KCNIP4: variants seen among roughly 807,000 people sequenced by gnomAD.
KCNIP4 encodes Kv channel-interacting protein 4.
KCNIP4 carries 12 observed loss-of-function variants against 34.0 expected under a neutral mutation model. The observed-to-expected ratio is 0.35, with a 90% CI of 0.23 to 0.57. The LOEUF is 0.57. Ranked by LOEUF, KCNIP4 falls within the 20% of genes least tolerant of loss-of-function variation. The pLI is 0.83. For missense variants in KCNIP4, 238 were observed against 311.7 expected (o/e 0.76, Z 1.78); for synonymous variants, 124 against 102.2 (o/e 1.21, Z -1.29).
At chr4:21,596,661 T>A (rs1214086681) in intron 1 of KCNIP4, among the ~76,000 whole-genome samples, 1 of 152,124 alleles carries the variant, frequency 6.6e-6, no homozygotes, top group African/African-American at 2.4e-5. Flanking sequence ...AAGAAGCTTT[T>A]GTTATTGATG....
At chr4:21,943,095 C>T (rs116377608) in intron 1 of KCNIP4, among the ~76,000 whole-genome samples, 3,283 of 152,226 alleles carry the variant, frequency 0.022, 130 homozygotes, top group African/African-American at 0.074. Flanking sequence ...TGTAGAAGTG[C>T]TTACTAGAGG....
chr4:21,467,087 C>CACAT (rs1411163090), intron 1 of KCNIP4, among the ~76,000 whole-genome samples: 1 of 139,772 alleles, frequency 7.2e-6, no homozygotes, highest in Non-Finnish European at 1.6e-5. Context: ...CACACACACA[C>CACAT]ACACACACAC....
At chr4:20,761,676 C>A (rs1046040779) in intron 3 of KCNIP4, among the ~76,000 whole-genome samples, 1 of 152,098 alleles carries the variant, frequency 6.6e-6, no homozygotes, top group African/African-American at 2.4e-5. Flanking sequence ...TCTGCATCAA[C>A]AAATTTGTTA....
chr4:21,792,813 C>A (rs540065079), intron 1 of KCNIP4, among the ~76,000 whole-genome samples: 1 of 152,320 alleles, frequency 6.6e-6, no homozygotes, highest in Non-Finnish European at 1.5e-5. Context: ...ACCAAACTAC[C>A]CACTGGATGT....
intron 1 of KCNIP4, among the ~76,000 whole-genome samples, chr4:21,651,404 G>C (rs1255576691): frequency 1.3e-5 from 2 of 152,070 alleles, no homozygotes; most frequent in Non-Finnish European, 2.9e-5. Context: ...TGAAGATTAG[G>C]GATAAAGAGG....
intron 3 of KCNIP4, among the ~76,000 whole-genome samples, chr4:20,779,141 G>C (rs2149389231): frequency 6.6e-6 from 1 of 152,220 alleles, no homozygotes; most frequent in Admixed American, 6.5e-5. Context: ...CCAAACAGGT[G>C]CCAGCTATAC....
chr4:21,263,832 T>G (rs1761624050), intron 1 of KCNIP4, among the ~76,000 whole-genome samples: 1 of 151,958 alleles, frequency 6.6e-6, no homozygotes, highest in Non-Finnish European at 1.5e-5. Context: ...ATTAAATTTT[T>G]TTTCTTTTTT....
chr4:21,711,268 T>C (rs1459459512), intron 1 of KCNIP4, among the ~76,000 whole-genome samples: 1 of 152,172 alleles, frequency 6.6e-6, no homozygotes, highest in East Asian at 1.9e-4. Flanking sequence ...GGTCAAGAGA[T>C]TGAGACCATC....
chr4:21,881,444 T>C (rs888846976), intron 1 of KCNIP4, among the ~76,000 whole-genome samples: 6 of 152,178 alleles, frequency 3.9e-5, no homozygotes, highest in African/African-American at 1.4e-4. Flanking sequence ...AATAAACTTA[T>C]GATGAGTATT....
intron 1 of KCNIP4, among the ~76,000 whole-genome samples, chr4:21,171,400 A>G (rs1754014876): frequency 6.6e-6 from 1 of 152,236 alleles, no homozygotes; most frequent in Admixed American, 6.5e-5. Context: ...TTAGAGACAG[A>G]ATACTAAAAC....
chr4:21,430,418 G>C (rs1211785991), intron 1 of KCNIP4, among the ~76,000 whole-genome samples: 4 of 151,642 alleles, frequency 2.6e-5, no homozygotes, highest in African/African-American at 9.7e-5. Context: ...AACAGTATGG[G>C]GGGGTGGGGT....
intron 1 of KCNIP4, among the ~76,000 whole-genome samples, chr4:21,826,352 C>T (rs360700): frequency 0.48 from 73,175 of 151,898 alleles, 18,185 homozygotes; most frequent in African/African-American, 0.54. Flanking sequence ...ATGAGTAAGA[C>T]TCTGGAAATA....
At chr4:21,592,977 GA>G (rs1742333324) in intron 1 of KCNIP4, among the ~76,000 whole-genome samples, 1 of 152,098 alleles carries the variant, frequency 6.6e-6, no homozygotes, top group Non-Finnish European at 1.5e-5. Flanking sequence ...AAAAACTTAT[GA>G]GTTTATTGAA....
intron 1 of KCNIP4, among the ~76,000 whole-genome samples, chr4:21,050,039 T>A (rs1475999840): frequency 1.3e-5 from 2 of 152,208 alleles, no homozygotes; most frequent in African/African-American, 4.8e-5. Context: ...GTGTTTGTTT[T>A]CCTATTAGTT....
At chr4:21,814,711 C>T (rs1721887662) in intron 1 of KCNIP4, among the ~76,000 whole-genome samples, 1 of 152,126 alleles carries the variant, frequency 6.6e-6, no homozygotes, top group South Asian at 2.1e-4. Flanking sequence ...ACTCGTACAC[C>T]TCTAAGGAAA....
intron 1 of KCNIP4, among the ~76,000 whole-genome samples, chr4:21,714,637 AAC>A (rs1714006942): frequency 6.6e-6 from 1 of 151,908 alleles, no homozygotes; most frequent in African/African-American, 2.4e-5. Flanking sequence ...GTTTATAAGA[AAC>A]ACCTCTTTCA....
At chr4:21,232,670 C>T (rs1015677346) in intron 1 of KCNIP4, among the ~76,000 whole-genome samples, 7 of 152,112 alleles carry the variant, frequency 4.6e-5, no homozygotes, top group Non-Finnish European at 1.0e-4. Context: ...TTCATTTATT[C>T]ATATGTTCAC....
intron 1 of KCNIP4, among the ~76,000 whole-genome samples, chr4:21,714,363 C>T (rs1713984956): frequency 6.6e-6 from 1 of 151,872 alleles, no homozygotes; most frequent in Admixed American, 6.6e-5. Flanking sequence ...GAGAGAAGGC[C>T]ACAGCAGTCA....
At chr4:21,275,955 A>G (rs993549195) in intron 1 of KCNIP4, among the ~76,000 whole-genome samples, 2 of 152,226 alleles carry the variant, frequency 1.3e-5, no homozygotes, top group African/African-American at 4.8e-5. Flanking sequence ...CTGATGAGTT[A>G]TAAAAGAATT....
Sources: allele counts gnomAD v4.1 joint callset (sites outside exome capture counted in the v4.1 genomes callset), GRCh38; gene constraint gnomAD v4.1.1; transcripts MANE v1.5; gene names NCBI Gene and HGNC (gene_info 2026-07-23, HGNC 2026-07-21).